MTHFD2L: variants seen among roughly 807,000 people sequenced by gnomAD.
The protein encoded by MTHFD2L is methylenetetrahydrofolate dehydrogenase (NADP+ dependent) 2 like.
A neutral mutation model predicts 34.9 loss-of-function variants in MTHFD2L; 29 were observed. The ratio of observed to expected loss-of-function variants is 0.83; its 90% confidence interval spans 0.62 to 1.13. The LOEUF (loss-of-function observed/expected upper bound fraction) is 1.13. MTHFD2L is among the 50% of genes most tolerant of loss of function. MTHFD2L has a pLI of 0.00. For missense variants in MTHFD2L, 481 were observed against 446.5 expected (o/e 1.08, Z -0.70); for synonymous variants, 167 against 155.7 (o/e 1.07, Z -0.54).
At chr4:74,215,704 C>T (rs1434248132) in intron 5 of MTHFD2L, among the ~76,000 whole-genome samples, 1 of 151,686 alleles carries the variant, frequency 6.6e-6, no homozygotes, top group East Asian at 1.9e-4. Flanking sequence ...TCCACCCTCA[C>T]GAGCAGATAG....
Position 74,126,099 on chromosome 4 carries a change from C to T in MTHFD2L, c.-297+582C>T, listed in dbSNP as rs116426104. 1.7e-3 allele frequency among the ~76,000 whole-genome samples: 266 copies of T among 152,288 alleles called. 2 individuals carry two copies. The highest frequency in any genetic ancestry group is 6.0e-3 in the African/African-American group (250 of 41,570). ...GAAAATTAATGGCCTTGGGCGCAGT[C>T]TTTAACTAATGACCCACTAAAGCAG... On this transcript the variant is annotated intron_variant, in intron 1 of 7. Transcript: ENST00000433372.
At chr4:74,124,289 A>G (rs1721924083), upstream of MTHFD2L, among the ~76,000 whole-genome samples, 1 of 151,830 alleles carries the variant, frequency 6.6e-6, no homozygotes, top group African/African-American at 2.4e-5. Context: ...TTTTTAAAAA[A>G]AATACAAGTC....
In MTHFD2L at chr4:74,273,966, AG is replaced by A. The variant is rs1203437456; in HGVS notation, c.806-7458del. Among the ~76,000 whole-genome samples the A allele has an allele frequency of 3.9e-5, 6 of 152,156 alleles. No homozygotes were observed. In the East Asian group the frequency reaches 1.2e-3, roughly 29 times the overall value. On this transcript the variant is annotated intron_variant, in intron 6 of 7. Coordinates refer to ENST00000325278, the MANE Select transcript of MTHFD2L (RefSeq NM_001144978.3). ...GCAAAATTTTTCCAGAGTTTTCCAT[AG>A]TTCAGAGGAACTTTCTGAATTTCTC...
chr4:74,237,336 A>T (rs1042576053), intron 6 of MTHFD2L, among the ~76,000 whole-genome samples: 2 of 152,118 alleles, frequency 1.3e-5, no homozygotes, highest in African/African-American at 4.8e-5. Flanking sequence ...CAATGAATGA[A>T]TTCCTTTCTT....
intron 1 of MTHFD2L, among the ~76,000 whole-genome samples, chr4:74,138,296 G>A (rs1723072398): frequency 6.6e-6 from 1 of 152,084 alleles, no homozygotes; most frequent in South Asian, 2.1e-4. Flanking sequence ...GTCTGGCTTT[G>A]TTACAGGCGG....
intron 7 of MTHFD2L, chr4:74,288,556 C>T (rs1748482684): frequency 6.6e-6 from 1 of 152,200 alleles, no homozygotes; most frequent in African/African-American, 2.4e-5. Context: ...CTAACATCCA[C>T]ATATCATTCA....
At chr4:74,262,523 AAT>A (rs1448851454) in intron 6 of MTHFD2L, among the ~76,000 whole-genome samples, 1 of 152,000 alleles carries the variant, frequency 6.6e-6, no homozygotes, top group East Asian at 1.9e-4. Flanking sequence ...AGCATATATA[AAT>A]ATGTTTTTAA....
chr4:74,276,241 T>G (rs1440634372), intron 6 of MTHFD2L, among the ~76,000 whole-genome samples: 1 of 152,180 alleles, frequency 6.6e-6, no homozygotes, highest in Non-Finnish European at 1.5e-5. Flanking sequence ...TTTTCTTAAG[T>G]TCATGCGACA....
At chr4:74,281,831 T>C (rs1378104934) in intron 7 of MTHFD2L, among the ~76,000 whole-genome samples, 2 of 152,064 alleles carry the variant, frequency 1.3e-5, no homozygotes, top group African/African-American at 4.8e-5. Context: ...CAGTTTTTAT[T>C]GATAGAATAC....
chr4:74,168,175 A>T (rs1727161334), intron 1 of MTHFD2L, among the ~76,000 whole-genome samples: 2 of 152,194 alleles, frequency 1.3e-5, no homozygotes. Flanking sequence ...GTCTCACAGT[A>T]AAAGCCAACA....
chr4:74,224,180 TG>T (rs1738747002), intron 5 of MTHFD2L: 1 of 152,158 alleles, frequency 6.6e-6, no homozygotes, highest in Non-Finnish European at 1.5e-5. Context: ...TAAACTATAC[TG>T]GGTCCCGGAA....
At chr4:74,208,060 T>A (rs2110075351) in intron 5 of MTHFD2L, among the ~76,000 whole-genome samples, 1 of 152,224 alleles carries the variant, frequency 6.6e-6, no homozygotes, top group African/African-American at 2.4e-5. Context: ...GGAACCATTG[T>A]CTAACTGGGA....
chr4:74,192,049 A>T (rs1034541103), intron 3 of MTHFD2L, among the ~76,000 whole-genome samples: 1 of 152,254 alleles, frequency 6.6e-6, no homozygotes, highest in African/African-American at 2.4e-5. Flanking sequence ...TCCAGGCACT[A>T]TTATTTGTAC....
At chr4:74,222,845 T>C (rs952980021) in intron 5 of MTHFD2L, among the ~76,000 whole-genome samples, 15 of 152,190 alleles carry the variant, frequency 9.9e-5, no homozygotes, top group South Asian at 6.2e-4. Context: ...ACTCTCATTT[T>C]TTTACATGAA....
intron 7 of MTHFD2L, among the ~76,000 whole-genome samples, chr4:74,300,087 G>A (rs1750107476): frequency 6.6e-6 from 1 of 152,034 alleles, no homozygotes; most frequent in Admixed American, 6.6e-5. Flanking sequence ...CCATTCTAAT[G>A]TTTCTATAGA....
rs765921680 is a variant in MTHFD2L at position 74,174,568 on chromosome 4, G to A, written c.206G>A (p.Arg69Gln). The A allele has an allele frequency of 8.1e-6, 13 of 1,605,444 alleles. No homozygotes were observed. Among genetic ancestry groups the A allele is most frequent in the Middle Eastern group, 1.7e-4 (1 of 6,052 alleles). The part of the protein sequence containing the change: ...MAKHIQKEIQ[R>Q]GVESWVSLGN... ...AAGCATATCCAGAAAGAAATACAGCGAGGTGTGGAATCATGGGTTTCCCTT... is the reference window on the plus strand; with the variant it reads ...AAGCATATCCAGAAAGAAATACAGCAAGGTGTGGAATCATGGGTTTCCCTT... The change falls in exon 2 of 8, where the codon CGA becomes CAA. Residue 69 changes from arginine (R) to glutamine (Q), a missense_variant. Physicochemically the swap from Arg to Gln is conservative, Grantham distance 43 (BLOSUM62 1). Transcript: ENST00000325278.
At chr4:74,169,605 C>G (rs1041064165) in intron 1 of MTHFD2L, among the ~76,000 whole-genome samples, 2 of 152,036 alleles carry the variant, frequency 1.3e-5, no homozygotes, top group Non-Finnish European at 2.9e-5. Context: ...TGTTCTACCC[C>G]AAGAAAATAT....
Position 74,175,390 on chromosome 4 carries a change from G to T in MTHFD2L, c.438G>T (p.Gln146His). The T allele has an allele frequency of 6.2e-7, 1 of 1,610,914 alleles. No homozygotes were observed. Among genetic ancestry groups the T allele is most frequent in the Non-Finnish European group, 8.5e-7 (1 of 1,178,574 alleles). ...CAAGAGTCAGCGGTATATTAGTTCAGTTACCACTACCAGGTACATAATGCT... is the reference window on the plus strand; with the variant it reads ...CAAGAGTCAGCGGTATATTAGTTCATTTACCACTACCAGGTACATAATGCT... ...MDPRVSGILV[Q>H]LPLPDHVDER... Residue 146 changes from glutamine (Q) to histidine (H), a missense_variant, in exon 3 of 8, where the codon CAG becomes CAT. Gln to His is a conservative substitution (Grantham distance 24). Coordinates refer to ENST00000325278, the MANE Select transcript of MTHFD2L (RefSeq NM_001144978.3).
At chr4:74,185,704 T>C (rs892694467) in intron 3 of MTHFD2L, among the ~76,000 whole-genome samples, 17 of 152,308 alleles carry the variant, frequency 1.1e-4, no homozygotes, top group Admixed American at 4.6e-4. Flanking sequence ...TTGAAAGATA[T>C]ACATTACCAA....
Sources: gnomAD v4.1 joint callset for allele counts (sites outside exome capture counted in the v4.1 genomes callset) on GRCh38, gnomAD v4.1.1 for gene constraint, MANE v1.5 for transcripts, NCBI Gene and HGNC (gene_info 2026-07-23, HGNC 2026-07-21) for gene names.